Variants in PDE1A observed in about 807,000 individuals in gnomAD.
The protein encoded by PDE1A is phosphodiesterase 1A, also known as dual specificity calcium/calmodulin-dependent 3',5'-cyclic nucleotide phosphodiesterase 1A.
Under a neutral mutation model 61.7 loss-of-function variants are expected in PDE1A, and 35 were observed. The ratio of observed to expected loss-of-function variants is 0.57; its 90% CI spans 0.43 to 0.75. The LOEUF is 0.75. Among genes scored for constraint, PDE1A ranks in the 30% least tolerant of loss-of-function variants. The pLI is 0.00. For missense variants in PDE1A, 597 were observed against 630.6 expected, an observed-to-expected ratio of 0.95 and a Z score of 0.57; for synonymous variants, 232 against 213.2, an observed-to-expected ratio of 1.09 and a Z score of -0.77.
At chr2:182,163,701 T>C (rs1220091441), downstream of PDE1A, among the ~76,000 whole-genome samples, 2 of 152,142 alleles carry the variant, frequency 1.3e-5, no homozygotes, top group African/African-American at 4.8e-5. Context: ...CTATTTGGAT[T>C]ATAAAGGCGA....
intron 2 of PDE1A, among the ~76,000 whole-genome samples, chr2:182,467,138 G>C (rs899028611): frequency 7.3e-5 from 11 of 150,864 alleles, no homozygotes; most frequent in African/African-American, 2.4e-4. Flanking sequence ...AATGAAAGAA[G>C]GGAGGGAGAG....
intron 1 of PDE1A, among the ~76,000 whole-genome samples, chr2:182,397,307 T>C (rs777101233): frequency 4.6e-5 from 7 of 152,168 alleles, no homozygotes; most frequent in Non-Finnish European, 1.0e-4. Flanking sequence ...TCTGTTCTTG[T>C]AGGTCGAAAA....
At chr2:182,423,423 T>C (rs1387296596) in intron 1 of PDE1A, among the ~76,000 whole-genome samples, 2 of 152,194 alleles carry the variant, frequency 1.3e-5, no homozygotes, top group Non-Finnish European at 2.9e-5. Flanking sequence ...CCTAATATCG[T>C]AGCCAGCTAC....
At chr2:182,612,901 C>T in the PDE1A span, among the ~76,000 whole-genome samples, 2 of 152,206 alleles carry the variant, frequency 1.3e-5, no homozygotes, top group Non-Finnish European at 2.9e-5. Flanking sequence ...GATCGGCCTC[C>T]TCCATAAGCC....
At chr2:182,402,246 G>A (rs771680474) in intron 1 of PDE1A, among the ~76,000 whole-genome samples, 1 of 152,114 alleles carries the variant, frequency 6.6e-6, no homozygotes, top group Non-Finnish European at 1.5e-5. Flanking sequence ...AAAAAAGCTG[G>A]AGGCATTATG....
At chr2:182,488,853 G>A (rs1393441662) in intron 2 of PDE1A, among the ~76,000 whole-genome samples, 3 of 152,122 alleles carry the variant, frequency 2.0e-5, no homozygotes, top group Admixed American at 6.6e-5. Flanking sequence ...TCCAGTCAAC[G>A]AAAAACAGTG....
chr2:182,421,130 TCTGA>T (rs1163254544), intron 1 of PDE1A, among the ~76,000 whole-genome samples: 1 of 152,190 alleles, frequency 6.6e-6, no homozygotes, highest in Non-Finnish European at 1.5e-5. Flanking sequence ...TGTGAAGTAG[TCTGA>T]CTACTATAAA....
chr2:182,279,800 C>G (rs1383655702), intron 1 of PDE1A, among the ~76,000 whole-genome samples: 1 of 151,914 alleles, frequency 6.6e-6, no homozygotes, highest in Non-Finnish European at 1.5e-5. Context: ...TCTTCATCCA[C>G]TTAGTCCTAC....
chr2:182,321,655 T>C (rs1462549248), intron 1 of PDE1A, among the ~76,000 whole-genome samples: 2 of 152,160 alleles, frequency 1.3e-5, no homozygotes, highest in East Asian at 3.9e-4. Flanking sequence ...GTTTTTTCAC[T>C]AATGGAATAA....
At chr2:182,349,264 C>T (rs1698711952) in intron 1 of PDE1A, among the ~76,000 whole-genome samples, 1 of 152,108 alleles carries the variant, frequency 6.6e-6, no homozygotes, top group Non-Finnish European at 1.5e-5. Context: ...CATAAATAAA[C>T]AGGATAAACA....
At chr2:182,575,784 TTAA>T in the PDE1A span, among the ~76,000 whole-genome samples, 18 of 146,626 alleles carry the variant, frequency 1.2e-4, 1 homozygote, top group South Asian at 3.4e-3. Flanking sequence ...ATTATAATTA[TTAA>T]TAATTAGTAT....
At chr2:182,177,946 T>C (rs560508228) in intron 13 of PDE1A, among the ~76,000 whole-genome samples, 7 of 152,172 alleles carry the variant, frequency 4.6e-5, no homozygotes, top group African/African-American at 1.7e-4. Flanking sequence ...ACTTGATAAA[T>C]GTTCTTTGAA....
rs1320717460 is a variant in PDE1A at position 182,516,761 on chromosome 2, AAAAG to A, written c.101+5511_101+5514del. Among the ~76,000 whole-genome samples, 552 of 107,596 alleles carry A rather than the reference AAAAG, an allele frequency of 5.1e-3. 6 individuals are homozygous for A. Among genetic ancestry groups the A allele is most frequent in the South Asian group, 0.049 (155 of 3,172 alleles). 70.6% of individuals were successfully genotyped at this position (107,596 alleles called of 152,430 possible). ...GGAAGGAAAAAGAGAGAAAGAAAGA[AAAAG>A]AAAGAAAGAAAGAAAGAAAAAGAAA... On this transcript the variant is annotated intron_variant, in intron 2 of 14. Coordinates refer to the PDE1A transcript ENST00000410103.
the PDE1A span, among the ~76,000 whole-genome samples, chr2:182,550,373 C>G: frequency 6.6e-6 from 1 of 152,106 alleles, no homozygotes; most frequent in African/African-American, 2.4e-5. Context: ...TAATAAAACC[C>G]CATTCTCCAG....
At chr2:182,424,865 C>A (rs144975437) in intron 1 of PDE1A, among the ~76,000 whole-genome samples, 1 of 152,324 alleles carries the variant, frequency 6.6e-6, no homozygotes, top group African/African-American at 2.4e-5. Context: ...AGACCCATTT[C>A]TAGACCTACT....
chr2:182,248,307 A>G (rs2125718659), intron 2 of PDE1A, among the ~76,000 whole-genome samples: 1 of 152,196 alleles, frequency 6.6e-6, no homozygotes. Flanking sequence ...ACAGAAAAAG[A>G]AACGATAAGG....
At chr2:182,383,650 A>T (rs1252489006) in intron 1 of PDE1A, among the ~76,000 whole-genome samples, 1 of 152,232 alleles carries the variant, frequency 6.6e-6, no homozygotes, top group African/African-American at 2.4e-5. Context: ...CAACAAAAAC[A>T]TCAATTTGGA....
intron 7 of PDE1A, among the ~76,000 whole-genome samples, chr2:182,206,492 A>G (rs1687113869): frequency 6.6e-6 from 1 of 152,172 alleles, no homozygotes; most frequent in Non-Finnish European, 1.5e-5. Flanking sequence ...AATGACATGT[A>G]TCTACTATTA....
At chr2:182,693,790 G>A in the PDE1A span, among the ~76,000 whole-genome samples, 1 of 151,818 alleles carries the variant, frequency 6.6e-6, no homozygotes, top group African/African-American at 2.4e-5. Context: ...GGGATTACAG[G>A]CACCCACCAC....
Sources: gnomAD v4.1 joint callset for allele counts (sites outside exome capture counted in the v4.1 genomes callset) on GRCh38, gnomAD v4.1.1 for gene constraint, MANE v1.5 for transcripts, NCBI Gene and HGNC (gene_info 2026-07-23, HGNC 2026-07-21) for gene names.